CACNA1E: variants seen among roughly 807,000 people sequenced by gnomAD.
The protein encoded by CACNA1E is voltage-dependent R-type calcium channel subunit alpha-1E.
Under a neutral mutation model 259.2 loss-of-function variants are expected in CACNA1E, and 40 were observed. The observed-to-expected ratio is 0.15, with a 90% CI of 0.12 to 0.20. The LOEUF (loss-of-function observed/expected upper bound fraction) is 0.20. CACNA1E is among the 10% of genes least tolerant of loss of function. The pLI, the probability that CACNA1E is intolerant of heterozygous loss-of-function variation, is 1.00. For missense variants in CACNA1E, 1,874 were observed against 3,040.1 expected (o/e 0.62, Z 9.02); for synonymous variants, 1,104 against 1,138.5 (o/e 0.97, Z 0.61).
chr1:181,343,897 C>T (rs1278395708), intron 1 of CACNA1E, among the ~76,000 whole-genome samples: 1 of 151,932 alleles, frequency 6.6e-6, no homozygotes, highest in African/African-American at 2.4e-5. Context: ...GTCTGCCTCC[C>T]CGGCTTCTCC....
intron 1 of CACNA1E, among the ~76,000 whole-genome samples, chr1:181,360,031 G>C (rs771573619): frequency 6.6e-6 from 1 of 152,134 alleles, no homozygotes; most frequent in Non-Finnish European, 1.5e-5. Flanking sequence ...CTCTAGGTCT[G>C]ACTCCCTCTC....
At chr1:181,631,389 A>G (rs559172773) in intron 6 of CACNA1E, among the ~76,000 whole-genome samples, 5 of 57,822 alleles carry the variant, frequency 8.6e-5, no homozygotes, top group Admixed American at 3.7e-4. Flanking sequence ...TCTTGCCTGT[A>G]TATCATCTGC....
At chr1:181,504,016 G>A (rs560459379) in intron 1 of CACNA1E, among the ~76,000 whole-genome samples, 1 of 152,262 alleles carries the variant, frequency 6.6e-6, no homozygotes, top group East Asian at 1.9e-4. Context: ...ACTAGTTAAG[G>A]CTCTTTCTCT....
intron 3 of CACNA1E, among the ~76,000 whole-genome samples, chr1:181,564,378 A>G (rs1266393887): frequency 6.6e-6 from 1 of 152,190 alleles, no homozygotes; most frequent in Non-Finnish European, 1.5e-5. Flanking sequence ...TCAAGAAACT[A>G]CTTTCTTTGC....
At chr1:181,595,494 C>T (rs535393669) in intron 6 of CACNA1E, among the ~76,000 whole-genome samples, 2 of 152,320 alleles carry the variant, frequency 1.3e-5, no homozygotes, top group South Asian at 4.1e-4. Context: ...ACAAGCTTCC[C>T]TTTCTCCTAG....
chr1:181,394,221 C>G (rs1656498957), intron 1 of CACNA1E, among the ~76,000 whole-genome samples: 1 of 152,194 alleles, frequency 6.6e-6, no homozygotes, highest in Admixed American at 6.5e-5. Flanking sequence ...CTTCTCACCA[C>G]TTATGTGACT....
At position 181,695,361 on chromosome 1, in the gene CACNA1E, G is replaced by A. The variant is rs559213923; in HGVS notation, c.1056-15593G>A. On this transcript the variant is annotated intron_variant, in intron 7 of 47. Coordinates refer to ENST00000367573, the MANE Select transcript of CACNA1E (RefSeq NM_001205293.3). ...CAAAATTCTAGCAGGTTAATTTGAAGAACTAGACAGATGATTCAAAACTTG... is the reference window on the plus strand; with the variant it reads ...CAAAATTCTAGCAGGTTAATTTGAAAAACTAGACAGATGATTCAAAACTTG... Among the ~76,000 whole-genome samples, 6 of 152,246 alleles carry A rather than the reference G, an allele frequency of 3.9e-5. No individual in the cohort carries two copies. The East Asian group carries it at 1.2e-3, about 29-fold the overall frequency.
chr1:181,712,423 G>A (rs1653464634), intron 8 of CACNA1E, among the ~76,000 whole-genome samples: 1 of 152,132 alleles, frequency 6.6e-6, no homozygotes, highest in African/African-American at 2.4e-5. Flanking sequence ...TTAGTGCTTA[G>A]TTGCTTGAGC....
At chr1:181,374,774 T>A (rs1460227106) in intron 1 of CACNA1E, among the ~76,000 whole-genome samples, 1 of 152,200 alleles carries the variant, frequency 6.6e-6, no homozygotes, top group East Asian at 1.9e-4. Context: ...GCTGAAAAAC[T>A]GTTTTAAGTC....
intron 1 of CACNA1E, among the ~76,000 whole-genome samples, chr1:181,347,412 A>T (rs1329824865): frequency 6.6e-6 from 1 of 152,040 alleles, no homozygotes; most frequent in African/African-American, 2.4e-5. Context: ...CCATCCCCAG[A>T]TGGTGGTTTG....
At chr1:181,439,877 G>T (rs1024069913) in intron 2 of CACNA1E, among the ~76,000 whole-genome samples, 1 of 152,072 alleles carries the variant, frequency 6.6e-6, no homozygotes, top group Non-Finnish European at 1.5e-5. Context: ...TAATCCAATC[G>T]CAAAAACATT....
intron 1 of CACNA1E, among the ~76,000 whole-genome samples, chr1:181,323,280 T>C (rs979717780): frequency 2.6e-5 from 4 of 152,246 alleles, no homozygotes; most frequent in African/African-American, 9.6e-5. Context: ...CTAAGTCCAG[T>C]ACTTTAATAA....
chr1:181,777,687 G>A (rs1054690884), intron 38 of CACNA1E, among the ~76,000 whole-genome samples: 4 of 152,174 alleles, frequency 2.6e-5, no homozygotes, highest in African/African-American at 7.2e-5. Context: ...AATGGTGATC[G>A]TGATACCTAC....
intron 41 of CACNA1E, 107 bp from the exon 42 acceptor site, chr1:181,785,211 T>C: frequency 1.4e-6 from 1 of 713,888 alleles, no homozygotes; most frequent in Non-Finnish European, 2.5e-6. Flanking sequence ...AATGGGTGAC[T>C]GATAGCACAG....
intron 3 of CACNA1E, among the ~76,000 whole-genome samples, chr1:181,555,425 T>A (rs6682262): frequency 0.64 from 97,816 of 152,118 alleles, 31,658 homozygotes; most frequent in East Asian, 0.81. Context: ...GATCCTGGTC[T>A]GAGGGCACCA....
intron 1 of CACNA1E, among the ~76,000 whole-genome samples, chr1:181,378,533 G>A (rs1655250288): frequency 1.3e-5 from 2 of 152,222 alleles, no homozygotes; most frequent in Non-Finnish European, 2.9e-5. Context: ...ACAGACAGGA[G>A]AGACTTGTAC....
chr1:181,693,051 T>C (rs1054196802), intron 7 of CACNA1E, among the ~76,000 whole-genome samples: 1 of 149,030 alleles, frequency 6.7e-6, no homozygotes, highest in African/African-American at 2.5e-5. Context: ...ATGCTCAACA[T>C]TGCTAATTAT....
chr1:181,404,975 C>G (rs983655118), intron 1 of CACNA1E, among the ~76,000 whole-genome samples: 1 of 152,238 alleles, frequency 6.6e-6, no homozygotes, highest in Non-Finnish European at 1.5e-5. Flanking sequence ...TAGGTGGCAA[C>G]TCAGACTGGC....
chr1:181,579,757 C>G (rs765707645), intron 5 of CACNA1E, among the ~76,000 whole-genome samples: 1 of 152,246 alleles, frequency 6.6e-6, no homozygotes, highest in Admixed American at 6.5e-5. Context: ...AGTGGCCTCT[C>G]TGGCCCACAG....
Sources: gnomAD v4.1 joint callset for allele counts (sites outside exome capture counted in the v4.1 genomes callset) on GRCh38, gnomAD v4.1.1 for gene constraint, MANE v1.5 for transcripts, NCBI Gene and HGNC (gene_info 2026-07-23, HGNC 2026-07-21) for gene names.